Variants in MARCHF6 observed in about 807,000 individuals in gnomAD.
MARCHF6 encodes the protein membrane associated ring-CH-type finger 6.
A neutral mutation model predicts 133.7 loss-of-function variants in MARCHF6; 31 were observed. The observed-to-expected ratio is 0.23, with a 90% CI of 0.17 to 0.31. MARCHF6 has a LOEUF of 0.31. Ranked by LOEUF, MARCHF6 falls within the 10% of genes least tolerant of loss-of-function variation. The pLI is 1.00. For synonymous variants in MARCHF6, 395 were observed against 402.5 expected, an observed-to-expected ratio of 0.98 and a Z score of 0.22; for missense variants, 723 against 1,121.6, an observed-to-expected ratio of 0.64 and a Z score of 5.08.
At chr5:10,377,749 T>A (rs764086880) in intron 1 of MARCHF6, 49 bp from the exon 2 acceptor site, 58 of 1,383,964 alleles carry the variant, frequency 4.2e-5, no homozygotes, top group South Asian at 2.3e-4. Context: ...CTTGCTTTTT[T>A]AAAAAAGTTA....
At chr5:10,373,903 G>A (rs1483396849) in intron 1 of MARCHF6, among the ~76,000 whole-genome samples, 2 of 152,100 alleles carry the variant, frequency 1.3e-5, no homozygotes, top group Non-Finnish European at 1.5e-5. Flanking sequence ...TAGATAACTG[G>A]TTATTGTAGG....
chr5:10,362,511 A>G (rs747500408), intron 1 of MARCHF6, among the ~76,000 whole-genome samples: 13 of 152,384 alleles, frequency 8.5e-5, no homozygotes, highest in Middle Eastern at 6.8e-3. Flanking sequence ...GATATTTACC[A>G]TATTAGAAAT....
chr5:10,423,207 T>C (rs1474334599), intron 22 of MARCHF6, among the ~76,000 whole-genome samples: 2 of 151,792 alleles, frequency 1.3e-5, no homozygotes, highest in African/African-American at 2.4e-5. Context: ...GTCATCACTC[T>C]GTCTGGTGGA....
chr5:10,407,101 G>T lies in MARCHF6; in HGVS notation c.1453-1G>T. ...GTGTCATACCCTGTTTCCTTCTGCAGATTGTCTTTGGCTCCATTGTCCTCC... is the reference window on the plus strand; with the variant it reads ...GTGTCATACCCTGTTTCCTTCTGCATATTGTCTTTGGCTCCATTGTCCTCC... On this transcript the variant is annotated splice_acceptor_variant, in intron 16 of 25. Transcript: ENST00000274140. LOFTEE classifies it high-confidence loss of function. 1 of 1,589,660 alleles carries T rather than the reference G, an allele frequency of 6.3e-7. No individual in the cohort carries two copies. The highest frequency in any genetic ancestry group is 8.6e-7 in the Non-Finnish European group (1 of 1,158,648).
intron 1 of MARCHF6, chr5:10,354,133 C>G (rs959006572): frequency 3.4e-5 from 12 of 349,732 alleles, no homozygotes; most frequent in Non-Finnish European, 6.0e-5. Context: ...GGGCGGGGAC[C>G]CTGCCGGGCA....
At chr5:10,421,455 C>T (rs1739819375) in intron 22 of MARCHF6, among the ~76,000 whole-genome samples, 1 of 152,164 alleles carries the variant, frequency 6.6e-6, no homozygotes, top group African/African-American at 2.4e-5. Flanking sequence ...TTGCATTAAA[C>T]CCCCAAGTTT....
chr5:10,400,750 C>T (rs1451039992), intron 10 of MARCHF6, 34 bp from the exon 11 acceptor site: 27 of 1,493,946 alleles, frequency 1.8e-5, no homozygotes, highest in South Asian at 5.6e-5. Flanking sequence ...GTTTTGATGT[C>T]GGAGTTTTCA....
chr5:10,364,517 CAAAAG>C lies in MARCHF6; in HGVS notation c.19+10616_19+10620del, dbSNP rs1265392009. On this transcript the variant is annotated intron_variant, in intron 1 of 25. Transcript: ENST00000274140. ...CTGGCAAAGTTTAACTGCCCCTAGC[CAAAAG>C]AAAAGAAAAGAAAAGCTTAGCATCC... 1.2e-4 allele frequency among the ~76,000 whole-genome samples: 18 copies of C among 152,116 alleles called. No individual in the cohort carries two copies. In the South Asian group the frequency reaches 3.5e-3, roughly 30 times the overall value.
chr5:10,413,416 G>A (rs1739339700), intron 19 of MARCHF6: 1 of 152,214 alleles, frequency 6.6e-6, no homozygotes, highest in Admixed American at 6.5e-5. Context: ...CTTCCCACCA[G>A]AGCTCTGCCC....
intron 1 of MARCHF6, among the ~76,000 whole-genome samples, chr5:10,355,267 C>G (rs1735381977): frequency 6.6e-6 from 1 of 152,154 alleles, no homozygotes; most frequent in Non-Finnish European, 1.5e-5. Flanking sequence ...CTGAAGGTTG[C>G]GAACTATTTC....
At chr5:10,429,851 T>C in intron 24 of MARCHF6, 42 bp from the exon 25 acceptor site, 1 of 1,565,874 alleles carries the variant, frequency 6.4e-7, no homozygotes, top group Non-Finnish European at 8.8e-7. Flanking sequence ...ATGTCACTGT[T>C]ATTTCACATA....
chr5:10,405,130 G>GA (rs1444053633), intron 15 of MARCHF6, among the ~76,000 whole-genome samples: 1 of 152,160 alleles, frequency 6.6e-6, no homozygotes, highest in Non-Finnish European at 1.5e-5. Flanking sequence ...CTAGTACCCA[G>GA]ACTCCTCCTT....
chr5:10,381,759 G>A (rs755425820), intron 3 of MARCHF6, 41 bp from the exon 4 acceptor site: 20 of 1,477,990 alleles, frequency 1.4e-5, no homozygotes, highest in Admixed American at 2.4e-5. Flanking sequence ...AGCTATTTTC[G>A]AATCTTCATG....
intron 2 of MARCHF6, among the ~76,000 whole-genome samples, chr5:10,378,212 T>C (rs1180057462): frequency 6.6e-6 from 1 of 152,244 alleles, no homozygotes; most frequent in Non-Finnish European, 1.5e-5. Flanking sequence ...CTAGTTTTGC[T>C]TGGCATAATA....
chr5:10,391,769 C>A, intron 7 of MARCHF6, 38 bp downstream of exon 7: 1 of 1,435,736 alleles, frequency 7.0e-7, no homozygotes, highest in Non-Finnish European at 9.2e-7. Context: ...TTCAGCACTG[C>A]AAATCTGTTC....
chr5:10,381,445 A>T (rs1737138091), intron 3 of MARCHF6, among the ~76,000 whole-genome samples: 1 of 152,096 alleles, frequency 6.6e-6, no homozygotes, highest in South Asian at 2.1e-4. Flanking sequence ...TGTTTGCTTT[A>T]TTACATCTTT....
At chr5:10,419,628 T>TTA (rs1554025846) in intron 22 of MARCHF6, among the ~76,000 whole-genome samples, 10 of 148,038 alleles carry the variant, frequency 6.8e-5, no homozygotes, top group African/African-American at 2.5e-4. Flanking sequence ...TTTTTTTTTT[T>TTA]ACAGAAAAAT....
intron 1 of MARCHF6, among the ~76,000 whole-genome samples, chr5:10,359,079 A>G (rs1375781684): frequency 1.3e-5 from 2 of 152,170 alleles, no homozygotes; most frequent in Non-Finnish European, 2.9e-5. Context: ...TAAATTGTAT[A>G]TGGTAAAAAG....
intron 16 of MARCHF6, among the ~76,000 whole-genome samples, chr5:10,406,771 A>C (rs1228334870): frequency 6.6e-6 from 1 of 152,214 alleles, no homozygotes; most frequent in African/African-American, 2.4e-5. Flanking sequence ...TTAGCTGGTT[A>C]CAAGTGATTT....
Sources: allele counts gnomAD v4.1 joint callset (sites outside exome capture counted in the v4.1 genomes callset), GRCh38; gene constraint gnomAD v4.1.1; transcripts MANE v1.5; gene names NCBI Gene and HGNC (gene_info 2026-07-23, HGNC 2026-07-21).